PIK3R4: variants seen among roughly 807,000 people sequenced by gnomAD.
The protein encoded by PIK3R4 is phosphoinositide 3-kinase regulatory subunit 4.
In PIK3R4, 46 loss-of-function variants were observed where a neutral mutation model predicts 136.5. That is an observed-to-expected ratio of 0.34 (90% CI 0.27 to 0.43). The LOEUF (loss-of-function observed/expected upper bound fraction) is 0.43, where lower values mean the gene tolerates loss of function less well. PIK3R4 is among the 20% of genes least tolerant of loss of function. The pLI is 1.00. For synonymous variants in PIK3R4, 557 were observed against 566.7 expected (o/e 0.98, Z 0.24); for missense variants, 1,331 against 1,649.5 (o/e 0.81, Z 3.35).
intron 17 of PIK3R4, among the ~76,000 whole-genome samples, 164 bp from the exon 18 acceptor site, chr3:130,681,229 T>G (rs1288034759): frequency 6.6e-6 from 1 of 152,208 alleles, no homozygotes; most frequent in Admixed American, 6.5e-5. Flanking sequence ...CAATCTGGCC[T>G]TTTCCTAATT....
intron 8 of PIK3R4, among the ~76,000 whole-genome samples, chr3:130,717,089 T>C (rs768113344): frequency 6.6e-6 from 1 of 152,194 alleles, no homozygotes; most frequent in South Asian, 2.1e-4. Flanking sequence ...CCAAAAGGAA[T>C]ACATTCCTTG....
chr3:130,680,771 A>G, intron 18 of PIK3R4, 50 bp from the exon 19 acceptor site: 2 of 1,164,938 alleles, frequency 1.7e-6, no homozygotes, highest in Non-Finnish European at 2.5e-6. Context: ...CAATGGGAGG[A>G]ACTAATAATC....
At chr3:130,718,284 AT>A (rs2066677904) in intron 8 of PIK3R4, 104 bp downstream of exon 8, 1 of 987,430 alleles carries the variant, frequency 1.0e-6, no homozygotes, top group Admixed American at 2.1e-5. Flanking sequence ...CTATAGCCCA[AT>A]TTAAATACTT....
In PIK3R4 at chr3:130,744,738, AATT is replaced by A; in HGVS notation, c.478_480del (p.Asn160del). 1.2e-6 allele frequency: 2 copies of A among 1,614,250 alleles called. No individual in the cohort carries two copies. Among genetic ancestry groups the A allele is most frequent in the Non-Finnish European group, 1.7e-6 (2 of 1,180,042 alleles). On this transcript the variant is annotated inframe_deletion, in exon 2 of 20. Transcript: ENST00000356763. ...CTGGCAAAATCAGTTAGAAGAACCCAATTCCAACTGGTGACCATCACATTCTCA... is the reference window on the plus strand; with the variant it reads ...CTGGCAAAATCAGTTAGAAGAACCCACCAACTGGTGACCATCACATTCTCA...
chr3:130,711,907 T>C lies in PIK3R4; in HGVS notation c.2332-3415A>G, dbSNP rs183147105. Among the ~76,000 whole-genome samples, 600 of 152,318 alleles carry C rather than the reference T, an allele frequency of 3.9e-3. 4 individuals carry two copies. Among genetic ancestry groups the C allele is most frequent in the Middle Eastern group, 0.01 (3 of 294 alleles). Reference sequence around the variant, plus strand: ...TAGCTTTTGAATTTTAAACCTGTATTTATACTAATCTGTCAAAAAGTGCAA... The same window carrying C: ...TAGCTTTTGAATTTTAAACCTGTATCTATACTAATCTGTCAAAAAGTGCAA... On this transcript the variant is annotated intron_variant, in intron 9 of 19. Transcript: ENST00000356763.
At chr3:130,699,768 G>A (rs148352062) in intron 13 of PIK3R4, among the ~76,000 whole-genome samples, 39 of 152,232 alleles carry the variant, frequency 2.6e-4, no homozygotes, top group African/African-American at 8.9e-4. Flanking sequence ...AATTATCAAT[G>A]TTTTTCATTG....
At position 130,691,515 on chromosome 3, in the gene PIK3R4, A is replaced by G. The variant is rs557184555; in HGVS notation, c.3099-861T>C. ...GAATTCACTGCCAAACTTCTTGAAT[A>G]TATCATCTACACAGGGGACCTCCAT... is the stretch of plus-strand genomic sequence containing the variant. On this transcript the variant is annotated intron_variant, in intron 13 of 19. Coordinates refer to ENST00000356763, the MANE Select transcript of PIK3R4 (RefSeq NM_014602.3). Among the ~76,000 whole-genome samples the G allele has an allele frequency of 2.0e-5, 3 of 151,928 alleles. No homozygotes were observed. In the South Asian group the frequency reaches 6.2e-4, roughly 32 times the overall value.
chr3:130,694,272 T>C (rs1020372258), intron 13 of PIK3R4, among the ~76,000 whole-genome samples: 1 of 152,016 alleles, frequency 6.6e-6, no homozygotes, highest in Non-Finnish European at 1.5e-5. Context: ...CTCTTGTAAT[T>C]CTTTATGGAT....
chr3:130,684,198 T>G, intron 16 of PIK3R4, 52 bp downstream of exon 16: 2 of 1,549,430 alleles, frequency 1.3e-6, no homozygotes, highest in Admixed American at 1.7e-5. Context: ...CAGGTTATTA[T>G]GTACTTTCCA....
At chr3:130,695,849 C>T (rs1420105904) in intron 13 of PIK3R4, among the ~76,000 whole-genome samples, 1 of 152,150 alleles carries the variant, frequency 6.6e-6, no homozygotes, top group African/African-American at 2.4e-5. Flanking sequence ...TTGTCTCTTC[C>T]ACACATAATG....
At chr3:130,718,977 G>T (rs1422244327) in intron 7 of PIK3R4, among the ~76,000 whole-genome samples, 1 of 152,092 alleles carries the variant, frequency 6.6e-6, no homozygotes, top group African/African-American at 2.4e-5. Flanking sequence ...AAATTGGGGA[G>T]AATTTACTTC....
intron 14 of PIK3R4, among the ~76,000 whole-genome samples, chr3:130,687,279 G>C (rs1262676866): frequency 6.6e-6 from 1 of 152,082 alleles, no homozygotes; most frequent in Non-Finnish European, 1.5e-5. Context: ...TTTTTCACTT[G>C]TGACATCATA....
chr3:130,745,666 C>A (rs1191193781), intron 1 of PIK3R4, among the ~76,000 whole-genome samples: 1 of 152,130 alleles, frequency 6.6e-6, no homozygotes, highest in African/African-American at 2.4e-5. Flanking sequence ...TACAAAGTTA[C>A]CATATGACAT....
chr3:130,729,383 C>CAGGG (rs2066750114), intron 5 of PIK3R4, among the ~76,000 whole-genome samples: 1 of 152,166 alleles, frequency 6.6e-6, no homozygotes, highest in Non-Finnish European at 1.5e-5. Context: ...AAACAGAAGA[C>CAGGG]AGGGGCCACT....
chr3:130,686,713 G>C (rs2066493043), intron 14 of PIK3R4, among the ~76,000 whole-genome samples: 2 of 152,094 alleles, frequency 1.3e-5, no homozygotes, highest in East Asian at 3.9e-4. Context: ...CTAGTAATTA[G>C]AGTACAGAAC....
At chr3:130,711,883 A>AG (rs1672374543) in intron 9 of PIK3R4, among the ~76,000 whole-genome samples, 1 of 152,222 alleles carries the variant, frequency 6.6e-6, no homozygotes, top group Non-Finnish European at 1.5e-5. Context: ...ATCTTCTTAT[A>AG]GCTTTTGAAT....
chr3:130,721,616 T>C (rs2066701490), intron 7 of PIK3R4, among the ~76,000 whole-genome samples: 1 of 152,206 alleles, frequency 6.6e-6, no homozygotes, highest in African/African-American at 2.4e-5. Flanking sequence ...GAGAACATTA[T>C]GCTATGTAAA....
intron 8 of PIK3R4, among the ~76,000 whole-genome samples, chr3:130,717,908 C>T (rs983738348): frequency 2.0e-5 from 3 of 152,044 alleles, no homozygotes; most frequent in African/African-American, 7.2e-5. Flanking sequence ...AGTTTATCAC[C>T]AAGTACTGCT....
At chr3:130,732,801 A>G (rs540302547) in intron 4 of PIK3R4, among the ~76,000 whole-genome samples, 51 of 152,072 alleles carry the variant, frequency 3.4e-4, no homozygotes, top group Non-Finnish European at 5.9e-4. Context: ...TTTAAAAAAA[A>G]AAAAAGACAA....
Sources: gnomAD v4.1 joint callset for allele counts (sites outside exome capture counted in the v4.1 genomes callset) on GRCh38, gnomAD v4.1.1 for gene constraint, MANE v1.5 for transcripts, NCBI Gene and HGNC (gene_info 2026-07-23, HGNC 2026-07-21) for gene names.